The following ESD variants were observed in gnomAD, a reference collection of about 807,000 sequenced individuals.
ESD encodes S-formylglutathione hydrolase.
Under a neutral mutation model 38.1 loss-of-function variants are expected in ESD, and 34 were observed. The observed-to-expected ratio is 0.89, with a 90% CI of 0.68 to 1.19. The LOEUF is 1.19. Among genes scored for constraint, ESD ranks in the 50% most tolerant of loss-of-function variants. The pLI is 0.00. For synonymous variants in ESD, 97 were observed against 107.0 expected (o/e 0.91, Z 0.58); for missense variants, 334 against 327.2 (o/e 1.02, Z -0.16).
At chr13:46,786,687 T>A (rs7999667) in intron 4 of ESD, among the ~76,000 whole-genome samples, 1 of 151,972 alleles carries the variant, frequency 6.6e-6, no homozygotes, top group East Asian at 1.9e-4. Flanking sequence ...CACCTAATAT[T>A]GTTCTAATGG....
At chr13:46,794,178 AC>A (rs1875497303) in intron 1 of ESD, among the ~76,000 whole-genome samples, 1 of 151,982 alleles carries the variant, frequency 6.6e-6, no homozygotes, top group Admixed American at 6.6e-5. Flanking sequence ...AACAACAACA[AC>A]AACAACAAAA....
In ESD at chr13:46,771,392, G is replaced by A. The variant is rs1593401589; in HGVS notation, c.*24C>T. On this transcript the variant is annotated 3_prime_UTR_variant, in exon 10 of 10. Transcript: ENST00000378720. ...ATTTTACAACTTTTATAATCCTGAA[G>A]AGATTCTCTTATTTGGAGTTTTTTC... The A allele has an allele frequency of 6.9e-7, 1 of 1,450,406 alleles. No homozygotes were observed. Among genetic ancestry groups the A allele is most frequent in the East Asian group, 2.3e-5 (1 of 43,060 alleles). 89.8% of individuals were successfully genotyped at this position (1,450,406 alleles called of 1,614,324 possible).
chr13:46,780,195 C>T (rs1039020096), intron 7 of ESD, among the ~76,000 whole-genome samples, 162 bp from the exon 8 acceptor site: 10 of 151,602 alleles, frequency 6.6e-5, no homozygotes, highest in Non-Finnish European at 1.5e-5. Flanking sequence ...TGATATATTG[C>T]TGGCTTAGAT....
At position 46,771,297 on chromosome 13, in the gene ESD, T is replaced by TAAAG; in HGVS notation, c.*115_*118dup. ...ATTCAGAGGTGATTCAACTATAGAATAAAGCCCTTTTAGCACTATAAAATC... is the reference window on the plus strand; with the variant it reads ...ATTCAGAGGTGATTCAACTATAGAATAAAGAAAGCCCTTTTAGCACTATAAAATC... On this transcript the variant is annotated 3_prime_UTR_variant, in exon 10 of 10. Coordinates refer to ENST00000378720, the MANE Select transcript of ESD (RefSeq NM_001984.2). The TAAAG allele has an allele frequency of 1.6e-6, 1 of 616,022 alleles. No individual in the cohort carries two copies. The highest frequency in any genetic ancestry group is 2.8e-6 in the Non-Finnish European group (1 of 353,732). 38.2% of individuals were successfully genotyped at this position (616,022 alleles called of 1,614,324 possible).
In ESD at chr13:46,787,043, G is replaced by A; in HGVS notation, c.135C>T (p.Cys45=). The A allele has an allele frequency of 1.3e-6, 2 of 1,571,354 alleles. No individual in the cohort carries two copies. The highest frequency in any genetic ancestry group is 1.7e-6 in the Non-Finnish European group (2 of 1,151,934). ...YLPPKAETGK[C]PALYWLSGLT... Reference sequence around the variant, plus strand: ...TACCTGAGAGCCAATACAGTGCAGGGCACTTTCCTGTTTCTGCCTTTGGTG... The same window carrying A: ...TACCTGAGAGCCAATACAGTGCAGGACACTTTCCTGTTTCTGCCTTTGGTG... The change falls in exon 4 of 10, where the codon TGC becomes TGT. Residue 45 remains cysteine, a synonymous_variant. Coordinates refer to ENST00000378720, the MANE Select transcript of ESD (RefSeq NM_001984.2).
intron 7 of ESD, among the ~76,000 whole-genome samples, chr13:46,780,727 G>C: frequency 6.6e-6 from 1 of 151,618 alleles, no homozygotes; most frequent in Non-Finnish European, 1.5e-5. Context: ...TGATAATAAA[G>C]CGTACCAAAA....
chr13:46,794,251 C>A (rs1213614753), intron 1 of ESD, among the ~76,000 whole-genome samples: 1 of 152,126 alleles, frequency 6.6e-6, no homozygotes, highest in Non-Finnish European at 1.5e-5. Flanking sequence ...TGTTAGTGAA[C>A]ATCAACATTC....
intron 7 of ESD, among the ~76,000 whole-genome samples, chr13:46,781,252 C>T (rs1445113565): frequency 1.3e-5 from 2 of 151,592 alleles, no homozygotes; most frequent in Non-Finnish European, 3.0e-5. Flanking sequence ...AAAGGAGAAG[C>T]TACATTTTAT....
At chr13:46,786,380 G>C (rs1875192829) in intron 4 of ESD, among the ~76,000 whole-genome samples, 1 of 151,996 alleles carries the variant, frequency 6.6e-6, no homozygotes, top group South Asian at 2.1e-4. Flanking sequence ...CAATTTAGTT[G>C]CTAGGATTCT....
rs762573762 is a variant in ESD, at chr13:46,782,774, C to T, written c.274G>A (p.Gly92Ser). ...CCAAAGTCCCAGCTCTCATCTTCAC[C>T]TTTAATATTGCAGCCACCTATCAAG... ...DTSPRGCNIKGEDESWDFGTG... is the reference protein window; with the variant it reads ...DTSPRGCNIKSEDESWDFGTG... Residue 92 changes from glycine to serine, a missense_variant, in exon 6 of 10, where the codon GGT becomes AGT. Coordinates refer to ENST00000378720, the MANE Select transcript of ESD (RefSeq NM_001984.2). The T allele has an allele frequency of 3.7e-6, 6 of 1,612,020 alleles. No individual in the cohort carries two copies. The highest frequency in any genetic ancestry group is 5.1e-6 in the Non-Finnish European group (6 of 1,178,750).
At chr13:46,784,380 C>T (rs1428543860) in intron 4 of ESD, 30 bp from the exon 5 acceptor site, 2 of 1,456,066 alleles carry the variant, frequency 1.4e-6, no homozygotes, top group Non-Finnish European at 1.9e-6. Context: ...TTATTGGGCA[C>T]ACATGGACAT....
At chr13:46,782,370 C>T (rs532302375) in intron 6 of ESD, among the ~76,000 whole-genome samples, 11 of 151,938 alleles carry the variant, frequency 7.2e-5, no homozygotes, top group African/African-American at 2.2e-4. Context: ...TGGCTTATCA[C>T]TATAAAATAC....
chr13:46,795,908 C>T (rs1434755374), intron 1 of ESD, among the ~76,000 whole-genome samples: 1 of 152,100 alleles, frequency 6.6e-6, no homozygotes, highest in African/African-American at 2.4e-5. Flanking sequence ...GTGGCACCAC[C>T]ATGCCCAGGT....
chr13:46,795,088 T>A (rs900678398), intron 1 of ESD, among the ~76,000 whole-genome samples: 3 of 152,220 alleles, frequency 2.0e-5, no homozygotes, highest in African/African-American at 7.2e-5. Context: ...CTCTTTTCAT[T>A]GCCTCTCTTT....
At chr13:46,791,531 T>A (rs1391662610) in intron 2 of ESD, 111 bp from the exon 3 acceptor site, 9 of 753,246 alleles carry the variant, frequency 1.2e-5, no homozygotes, top group African/African-American at 1.8e-5. Context: ...TATTTTCTAC[T>A]TAGAATTTTT....
chr13:46,789,410 C>T (rs1875311242), intron 3 of ESD, among the ~76,000 whole-genome samples: 1 of 152,166 alleles, frequency 6.6e-6, no homozygotes, highest in Non-Finnish European at 1.5e-5. Context: ...CTAGTAATAC[C>T]GTTGAGCTGA....
intron 7 of ESD, 65 bp from the exon 8 acceptor site, chr13:46,780,098 T>A: frequency 9.4e-7 from 1 of 1,065,542 alleles, no homozygotes; most frequent in Non-Finnish European, 1.3e-6. Context: ...AATAGATATT[T>A]GCAACTTACT....
chr13:46,794,435 A>G (rs1875507338), intron 1 of ESD, among the ~76,000 whole-genome samples: 1 of 152,102 alleles, frequency 6.6e-6, no homozygotes, highest in African/African-American at 2.4e-5. Context: ...CCAAGCTTCA[A>G]GTGTTCTCCT....
intron 2 of ESD, among the ~76,000 whole-genome samples, chr13:46,793,010 T>G (rs75376219): frequency 0.02 from 2,972 of 152,180 alleles, 91 homozygotes; most frequent in African/African-American, 0.067. Context: ...TTAATAAACC[T>G]CAAGTTGTCA....
Sources: gnomAD v4.1 joint callset for allele counts (sites outside exome capture counted in the v4.1 genomes callset) on GRCh38, gnomAD v4.1.1 for gene constraint, MANE v1.5 for transcripts, NCBI Gene and HGNC (gene_info 2026-07-23, HGNC 2026-07-21) for gene names.